Variants in CLASP2 observed in about 807,000 individuals in gnomAD.
The protein encoded by CLASP2 is CLIP-associating protein 2.
Under a neutral mutation model 194.4 loss-of-function variants are expected in CLASP2, and 47 were observed. The ratio of observed to expected loss-of-function variants is 0.24; its 90% CI spans 0.19 to 0.31. CLASP2 has a LOEUF of 0.31. Among genes scored for constraint, CLASP2 ranks in the 10% least tolerant of loss-of-function variants. The pLI, the probability that CLASP2 is intolerant of heterozygous loss-of-function variation, is 1.00. For missense variants in CLASP2, 1,445 were observed against 1,823.6 expected (o/e 0.79, Z 3.78); for synonymous variants, 619 against 633.5 (o/e 0.98, Z 0.34).
intron 25 of CLASP2, among the ~76,000 whole-genome samples, chr3:33,571,802 CTT>C (rs1161388080): frequency 6.6e-6 from 1 of 152,056 alleles, no homozygotes; most frequent in East Asian, 1.9e-4. Flanking sequence ...GATCTCATCT[CTT>C]TAAAAACAGA....
At chr3:33,549,594 T>C (rs1576291530) in intron 30 of CLASP2, among the ~76,000 whole-genome samples, 1 of 152,348 alleles carries the variant, frequency 6.6e-6, no homozygotes, top group East Asian at 1.9e-4. Flanking sequence ...TGTGTATTCA[T>C]TCTATCATTT....
intron 18 of CLASP2, 97 bp downstream of exon 18, chr3:33,602,855 T>A (rs1247202094): frequency 2.4e-6 from 3 of 1,227,066 alleles, no homozygotes; most frequent in South Asian, 2.6e-5. Flanking sequence ...TATCCTTAAA[T>A]AACAAGAATG....
intron 17 of CLASP2, 94 bp from the exon 18 acceptor site, chr3:33,603,219 C>T: frequency 7.5e-7 from 1 of 1,325,098 alleles, no homozygotes; most frequent in Non-Finnish European, 1.0e-6. Context: ...AATCTGATGA[C>T]AAATGGTCAA....
chr3:33,680,158 T>C (rs1027207101), intron 6 of CLASP2, among the ~76,000 whole-genome samples: 5 of 152,190 alleles, frequency 3.3e-5, no homozygotes, highest in South Asian at 2.1e-4. Context: ...TGTAACTATA[T>C]GGAGACAGTA....
intron 21 of CLASP2, among the ~76,000 whole-genome samples, chr3:33,587,857 G>C (rs957546102): frequency 3.3e-5 from 5 of 152,076 alleles, no homozygotes; most frequent in Non-Finnish European, 7.4e-5. Flanking sequence ...GGGAAAACTC[G>C]CAACAATATA....
At chr3:33,639,722 G>A (rs1445551273) in intron 8 of CLASP2, among the ~76,000 whole-genome samples, 1 of 152,214 alleles carries the variant, frequency 6.6e-6, no homozygotes, top group African/African-American at 2.4e-5. Context: ...ATCAGGGATG[G>A]ATAGTCAATG....
At chr3:33,536,745 A>C (rs1442794298) in intron 33 of CLASP2, among the ~76,000 whole-genome samples, 1 of 152,222 alleles carries the variant, frequency 6.6e-6, no homozygotes, top group East Asian at 1.9e-4. Flanking sequence ...ATGATGGCTC[A>C]AACCAGAAAG....
Position 33,528,955 on chromosome 3 carries a change from G to A in CLASP2, c.3787+6278C>T, listed in dbSNP as rs192733814. 1.8e-3 allele frequency among the ~76,000 whole-genome samples: 268 copies of A among 152,234 alleles called. 1 individual carries two copies. Among genetic ancestry groups the A allele is most frequent in the African/African-American group, 6.0e-3 (248 of 41,540 alleles). On this transcript the variant is annotated intron_variant, in intron 34 of 38. Coordinates refer to ENST00000682230, the MANE Select transcript of CLASP2 (RefSeq NM_001365631.1). ...TCTCAGCCCAAAAGCTCCTCAAGCT[G>A]ATAAACAACTTCAGCTAAGTTTCAG...
At chr3:33,591,430 C>G (rs149759482) in intron 21 of CLASP2, among the ~76,000 whole-genome samples, 4 of 152,138 alleles carry the variant, frequency 2.6e-5, no homozygotes, top group African/African-American at 9.6e-5. Context: ...TTGGGCAACA[C>G]AGCAAGACCC....
intron 7 of CLASP2, among the ~76,000 whole-genome samples, chr3:33,651,401 AAAAC>A (rs1372437119): frequency 6.6e-6 from 1 of 151,600 alleles, no homozygotes; most frequent in African/African-American, 2.4e-5. Flanking sequence ...AAAAAAAAAA[AAAAC>A]CCAGAAAACA....
At chr3:33,548,250 T>C in intron 30 of CLASP2, among the ~76,000 whole-genome samples, 1 of 152,260 alleles carries the variant, frequency 6.6e-6, no homozygotes, top group Admixed American at 6.5e-5. Flanking sequence ...AATCAAATAC[T>C]TACAGATTTT....
At position 33,689,894 on chromosome 3, in the gene CLASP2, C is replaced by T. The variant is rs1354668697; in HGVS notation, c.313G>A (p.Asp105Asn). ...GTCTGAGCTTCATCTCGAACCTTGT[C>T]TTTGGCATCTCCCATTCTGTCTATT... ...ALIDRMGDAK[D>N]KVRDEAQTLI... Residue 105 changes from aspartate (D) to asparagine (N), a missense_variant, in exon 3 of 39, where the codon GAC becomes AAC. Asp to Asn is a conservative substitution (Grantham distance 23). Around this residue, in one of 4 missense-constraint regions of CLASP2, gnomAD observed 332 missense variants for 325.3 expected, o/e 1.02. Transcript: ENST00000682230. 6.3e-7 allele frequency: 1 copy of T among 1,599,114 alleles called. No homozygotes were observed.
At chr3:33,701,322 C>A (rs2092356285) in intron 1 of CLASP2, among the ~76,000 whole-genome samples, 2 of 152,158 alleles carry the variant, frequency 1.3e-5, no homozygotes, top group South Asian at 2.1e-4. Context: ...GTAATCAAGA[C>A]AATGTGGGGG....
At chr3:33,608,655 A>C in intron 13 of CLASP2, 29 bp from the exon 14 acceptor site, 1 of 1,494,048 alleles carries the variant, frequency 6.7e-7, no homozygotes, top group Non-Finnish European at 9.3e-7. Context: ...ATGATAACTA[A>C]ATGTTGTATT....
intron 8 of CLASP2, among the ~76,000 whole-genome samples, chr3:33,633,634 G>T (rs1315070810): frequency 6.6e-6 from 1 of 151,986 alleles, no homozygotes; most frequent in Non-Finnish European, 1.5e-5. Context: ...AGAAATCAAG[G>T]ATGGACTCAC....
At position 33,655,928 on chromosome 3, in the gene CLASP2, T is replaced by C. The variant is rs969786270; in HGVS notation, c.715+7517A>G. ...TCTATTTACAACAAAACCTTATTTCTTTCCAGCCACTCTGCAGCATAACAA... is the reference window on the plus strand; with the variant it reads ...TCTATTTACAACAAAACCTTATTTCCTTCCAGCCACTCTGCAGCATAACAA... On this transcript the variant is annotated intron_variant, in intron 7 of 38. Coordinates refer to ENST00000682230, the MANE Select transcript of CLASP2 (RefSeq NM_001365631.1). 2.6e-5 allele frequency among the ~76,000 whole-genome samples: 4 copies of C among 152,198 alleles called. No individual in the cohort carries two copies. In the East Asian group the frequency reaches 7.7e-4, roughly 29 times the overall value.
rs377121956 is a variant in CLASP2, at chr3:33,543,456, T to C, written c.3381A>G (p.Thr1127=). 407 of 1,604,240 alleles carry C rather than the reference T, an allele frequency of 2.5e-4. 4 individuals carry two copies. The South Asian group carries it at 3.7e-3, about 15-fold the overall frequency. Residue 1127 remains threonine, a synonymous_variant, in exon 32 of 39, where the codon ACA becomes ACG. Coordinates refer to ENST00000682230, the MANE Select transcript of CLASP2 (RefSeq NM_001365631.1). ...WSSPLTSPTN[T]SQNTLSPSAF... is the part of the protein sequence containing the mutation. ...ACCTTGGAGATAAAGTATTCTGTGA[T>C]GTATTGGTAGGAGAAGTAAGAGGAC...
intron 9 of CLASP2, among the ~76,000 whole-genome samples, chr3:33,630,557 G>A (rs543037417): frequency 9.2e-6 from 1 of 108,436 alleles, no homozygotes; most frequent in Admixed American, 1.0e-4. Context: ...TTTAAAGAGC[G>A]TAAAAAAAAA....
rs771341655 is a variant in CLASP2, at chr3:33,592,477, A to C, written c.1986T>G (p.Leu662=). The C allele has an allele frequency of 3.1e-6, 5 of 1,613,566 alleles. No individual in the cohort carries two copies. The Admixed American group carries it at 8.3e-5, about 27-fold the overall frequency. The change falls in exon 21 of 39, where the codon CTT becomes CTG. Residue 662 remains leucine, a synonymous_variant. Coordinates refer to ENST00000682230, the MANE Select transcript of CLASP2 (RefSeq NM_001365631.1). ...ASEDGRVRAK[L]SAPLAGMGNA... ...TTCCCATGCCAGCAAGTGGTGCTGAAAGTTTTGCTCTCACCCGGCCTGAGA... is the reference window on the plus strand; with the variant it reads ...TTCCCATGCCAGCAAGTGGTGCTGACAGTTTTGCTCTCACCCGGCCTGAGA...
Sources: allele counts gnomAD v4.1 joint callset (sites outside exome capture counted in the v4.1 genomes callset), GRCh38; gene constraint gnomAD v4.1.1; regional missense constraint gnomAD v4.1.1; transcripts MANE v1.5; gene names NCBI Gene and HGNC (gene_info 2026-07-23, HGNC 2026-07-21).